CCDC188: variants seen among roughly 807,000 people sequenced by gnomAD.
CCDC188 encodes the protein coiled-coil domain-containing protein 188.
In CCDC188, 37 loss-of-function variants were observed where a neutral mutation model predicts 50.7. The ratio of observed to expected loss-of-function variants is 0.73; its 90% CI spans 0.56 to 0.96. The LOEUF (loss-of-function observed/expected upper bound fraction) is 0.96. CCDC188 is among the 40% of genes least tolerant of loss of function. The pLI, the probability that CCDC188 is intolerant of heterozygous loss-of-function variation, is 0.00. For missense variants in CCDC188, 453 were observed against 512.9 expected, an observed-to-expected ratio of 0.88 and a Z score of 1.13; for synonymous variants, 208 against 228.0, an observed-to-expected ratio of 0.91 and a Z score of 0.79.
Position 20,150,948 on chromosome 22 carries a change from G to A in CCDC188, c.39C>T (p.Pro13=). The part of the protein sequence containing the change: ...GLKTLGPCGH[P]HPQCPPTPAS... ...CTGGGGTTGGGGGACACTGGGGGTGGGGGTGGCCGCAGGGGCCCAGGGTTT... is the reference window on the plus strand; with the variant it reads ...CTGGGGTTGGGGGACACTGGGGGTGAGGGTGGCCGCAGGGGCCCAGGGTTT... Residue 13 remains proline, a synonymous_variant, in exon 1 of 9, where the codon CCC becomes CCT. Coordinates refer to ENST00000439765, the MANE Select transcript of CCDC188 (RefSeq NM_001365892.2). 7.1e-7 allele frequency: 1 copy of A among 1,415,606 alleles called. No individual in the cohort carries two copies. The highest frequency in any genetic ancestry group is 9.3e-7 in the Non-Finnish European group (1 of 1,077,948). The allele number at this position is 1,415,606 out of a possible 1,614,324, so 87.7% of individuals were successfully genotyped here.
chr22:20,149,433 T>C lies in CCDC188; in HGVS notation c.893A>G (p.Asp298Gly). Reference protein sequence around the residue: ...DIRGVLDQMEDIQLEILRERA... With the variant: ...DIRGVLDQMEGIQLEILRERA... ...TTACCTGAGAATCTCCAGCTGGATGTCCTCCATCTGGTCCAGCACGCCCCG... is the reference window on the plus strand; with the variant it reads ...TTACCTGAGAATCTCCAGCTGGATGCCCTCCATCTGGTCCAGCACGCCCCG... The change falls in exon 6 of 9, where the codon GAC becomes GGC. Residue 298 changes from aspartate (D) to glycine (G), a missense_variant. Transcript: ENST00000439765. 1 of 1,550,212 alleles carries C rather than the reference T, an allele frequency of 6.5e-7. No individual in the cohort carries two copies. The highest frequency in any genetic ancestry group is 8.7e-7 in the Non-Finnish European group (1 of 1,146,890).
chr22:20,149,525 G>A lies in CCDC188; in HGVS notation c.850-49C>T, dbSNP rs749365988. 31 of 1,549,774 alleles carry A rather than the reference G, an allele frequency of 2.0e-5. No homozygotes were observed. In the African/African-American group the frequency reaches 2.3e-4, roughly 12 times the overall value. ...CAGCAGGCCCCTCGCCCCGCCCTCCGTGGCCTCTCGCCCGCCGGGCCCCGT... is the reference window on the plus strand; with the variant it reads ...CAGCAGGCCCCTCGCCCCGCCCTCCATGGCCTCTCGCCCGCCGGGCCCCGT... On this transcript the variant is annotated intron_variant, in intron 5 of 8. Coordinates refer to ENST00000439765, the MANE Select transcript of CCDC188 (RefSeq NM_001365892.2).
At chr22:20,148,842 C>A in intron 8 of CCDC188, 33 bp downstream of exon 8, 1 of 1,460,442 alleles carries the variant, frequency 6.8e-7, no homozygotes. Context: ...CGCGGGGGGC[C>A]TGGGGGCTGG....
chr22:20,150,333 TGGTG>T (rs1569000720), intron 1 of CCDC188, 83 bp from the exon 2 acceptor site: 3 of 785,366 alleles, frequency 3.8e-6, no homozygotes, highest in African/African-American at 2.2e-5. Context: ...GGGCGCCAGG[TGGTG>T]GGTGGGGCTG....
intron 1 of CCDC188, 43 bp downstream of exon 1, chr22:20,150,425 G>GTGGGGCGGGGGC (rs1555886567): frequency 1.4e-5 from 18 of 1,321,938 alleles, no homozygotes; most frequent in Non-Finnish European, 1.7e-5. Context: ...CAGGCGGTGG[G>GTGGGGCGGGGGC]TGGGGCTGGG....
rs569164914 is a variant in CCDC188 at position 20,150,762 on chromosome 22, G to A, written c.225C>T (p.Pro75=). 12 of 1,550,172 alleles carry A rather than the reference G, an allele frequency of 7.7e-6. No homozygotes were observed. The highest frequency in any genetic ancestry group is 2.4e-5 in the East Asian group (1 of 40,914). ...GCTCCTGGCTGGACAGAAAGAGCCC[G>A]GGAGCCTCGCCCTCCACTGTGGGCC... ...GSGPTVEGEA[P]GLFLSSQEQR... The change falls in exon 1 of 9, where the codon CCC becomes CCT. Residue 75 remains proline, a synonymous_variant. Coordinates refer to ENST00000439765, the MANE Select transcript of CCDC188 (RefSeq NM_001365892.2).
chr22:20,150,979 C>T lies in CCDC188; in HGVS notation c.8G>A (p.Gly3Glu), dbSNP rs1416621004. Residue 3 changes from glycine to glutamate, a missense_variant, in exon 1 of 9, where the codon GGG (glycine) becomes GAG (glutamate). Transcript: ENST00000439765. ...GCCGCAGGGGCCCAGGGTTTTCAGC[C>T]CCTCCATCCCTCCCTGCAACCCCTT... MEGLKTLGPCGHP... is the reference protein window; with the variant it reads MEELKTLGPCGHP... The T allele has an allele frequency of 1.4e-6, 2 of 1,397,638 alleles. No homozygotes were observed. Among genetic ancestry groups the T allele is most frequent in the Non-Finnish European group, 1.9e-6 (2 of 1,070,712 alleles). The allele number at this position is 1,397,638 out of a possible 1,614,324, so 86.6% of individuals were successfully genotyped here. A position where few individuals can be genotyped will look rare whatever the true frequency, so the allele number is the denominator to read the frequency against.
In CCDC188 at chr22:20,149,736, C is replaced by T. The variant is rs975135791; in HGVS notation, c.777G>A (p.Met259Ile). The change falls in exon 4 of 9, where the codon ATG becomes ATA. Residue 259 changes from methionine (M) to isoleucine (I), a missense_variant. Coordinates refer to ENST00000439765, the MANE Select transcript of CCDC188 (RefSeq NM_001365892.2). ...GCCAGGCGGGCACCTCTGTGATGAC[C>T]ATCTTCTTCCTCTCAAAGCACAGGC... is the stretch of plus-strand genomic sequence containing the variant. ...QIRLCFERKK[M>I]VITEVWDNVA... 4.8e-5 allele frequency: 74 copies of T among 1,530,736 alleles called. No individual in the cohort carries two copies. The highest frequency in any genetic ancestry group is 6.2e-5 in the Non-Finnish European group (70 of 1,135,872). 94.8% of individuals were successfully genotyped at this position (1,530,736 alleles called of 1,614,324 possible). A position where few individuals can be genotyped will look rare whatever the true frequency, so the allele number is the denominator to read the frequency against.
At position 20,150,951 on chromosome 22, in the gene CCDC188, G is replaced by T; in HGVS notation, c.36C>A (p.His12Gln). ...GGGTTGGGGGACACTGGGGGTGGGG[G>T]TGGCCGCAGGGGCCCAGGGTTTTCA... ...EGLKTLGPCGHPHPQCPPTPA... is the reference protein window; with the variant it reads ...EGLKTLGPCGQPHPQCPPTPA... The change falls in exon 1 of 9, where the codon CAC (histidine) becomes CAA (glutamine). Residue 12 changes from histidine (H) to glutamine (Q), a missense_variant. Transcript: ENST00000439765. 2.1e-6 allele frequency: 3 copies of T among 1,412,620 alleles called. No individual in the cohort carries two copies. Among genetic ancestry groups the T allele is most frequent in the South Asian group, 3.2e-5 (2 of 62,226 alleles). 87.5% of individuals were successfully genotyped at this position (1,412,620 alleles called of 1,614,324 possible).
At chr22:20,149,129 G>A in intron 7 of CCDC188, 58 bp downstream of exon 7, 2 of 1,368,804 alleles carry the variant, frequency 1.5e-6, no homozygotes, top group Admixed American at 2.9e-5. Context: ...TCTCGCCCAA[G>A]CAGGGCCCTG....
intron 1 of CCDC188, 102 bp from the exon 2 acceptor site, chr22:20,150,352 T>TGGGGCTGGGGCA (rs2050602447): frequency 1.3e-6 from 1 of 752,658 alleles, no homozygotes; most frequent in South Asian, 1.9e-5. Context: ...GGGCTGGGGC[T>TGGGGCTGGGGCA]GGGGCAGGGG....
At position 20,150,735 on chromosome 22, in the gene CCDC188, C is replaced by G. The variant is rs369878186; in HGVS notation, c.252G>C (p.Gln84His). The G allele has an allele frequency of 6.5e-7, 1 of 1,550,136 alleles. No homozygotes were observed. Among genetic ancestry groups the G allele is most frequent in the Non-Finnish European group, 8.7e-7 (1 of 1,146,842 alleles). ...APGLFLSSQEQRARDTEGPRQ... is the reference protein window; with the variant it reads ...APGLFLSSQEHRARDTEGPRQ... ...TCGGCCCCTCAGTGTCTCTCGCTCTCTGCTCCTGGCTGGACAGAAAGAGCC... is the reference window on the plus strand; with the variant it reads ...TCGGCCCCTCAGTGTCTCTCGCTCTGTGCTCCTGGCTGGACAGAAAGAGCC... Residue 84 changes from glutamine (Q) to histidine (H), a missense_variant, in exon 1 of 9, where the codon CAG becomes CAC. Coordinates refer to ENST00000439765, the MANE Select transcript of CCDC188 (RefSeq NM_001365892.2).
In CCDC188 at chr22:20,150,925, G is replaced by A; in HGVS notation, c.62C>T (p.Pro21Leu). The A allele has an allele frequency of 2.8e-6, 4 of 1,425,088 alleles. No homozygotes were observed. Among genetic ancestry groups the A allele is most frequent in the Non-Finnish European group, 3.7e-6 (4 of 1,081,938 alleles). The allele number at this position is 1,425,088 out of a possible 1,614,324, so 88.3% of individuals were successfully genotyped here. Residue 21 changes from proline (P) to leucine (L), a missense_variant, in exon 1 of 9, where the codon CCA (proline) becomes CTA (leucine). Pro to Leu is a moderately conservative substitution (Grantham distance 98). Transcript: ENST00000439765. ...GCCTCCTCCATGGCTGCTGGAGGCT[G>A]GGGTTGGGGGACACTGGGGGTGGGG... is the stretch of plus-strand genomic sequence containing the variant. ...GHPHPQCPPT[P>L]ASSSHGGGLD...
In CCDC188 at chr22:20,148,881, T is replaced by G; in HGVS notation, c.1016A>C (p.Gln339Pro). The change falls in exon 8 of 9, where the codon CAG becomes CCG. Residue 339 changes from glutamine (Q) to proline (P), a missense_variant. Transcript: ENST00000439765. ...CTGCCGTGCAGTCACCTACCAGAGC[T>G]GGCCTGCCAGGCCCTTGGAGCTTCC... ...KLGSSKGLAG[Q>P]LWLLTLRLLL... The G allele has an allele frequency of 6.6e-7, 1 of 1,511,702 alleles. No homozygotes were observed. Among genetic ancestry groups the G allele is most frequent in the Non-Finnish European group, 8.9e-7 (1 of 1,127,430 alleles). 93.6% of individuals were successfully genotyped at this position (1,511,702 alleles called of 1,614,324 possible).
chr22:20,150,498 G>T lies in CCDC188; in HGVS notation c.489C>A (p.Phe163Leu). The T allele has an allele frequency of 6.5e-7, 1 of 1,547,616 alleles. No individual in the cohort carries two copies. Among genetic ancestry groups the T allele is most frequent in the Non-Finnish European group, 8.7e-7 (1 of 1,146,652 alleles). ...CGLLGSAEQS[F>L]LQLEQENHSL... is the part of the protein sequence containing the mutation. The stretch of plus-strand genomic sequence containing the variant: ...TGTGGTTCTCCTGCTCCAGCTGCAG[G>T]AAGGACTGTTCTGCAGAGCCCAGCA... The change falls in exon 1 of 9, where the codon TTC becomes TTA. Residue 163 changes from phenylalanine (F) to leucine (L), a missense_variant. Phe to Leu is a conservative substitution (Grantham distance 22). Transcript: ENST00000439765.
intron 7 of CCDC188, 21 bp downstream of exon 7, chr22:20,149,166 A>T: frequency 7.6e-6 from 11 of 1,453,886 alleles, no homozygotes; most frequent in Non-Finnish European, 1.0e-5. Context: ...CCAGACCCAG[A>T]GTGGGGCGTG....
rs2050584300 is a variant in CCDC188, at chr22:20,149,644, G to A, written c.790-4C>T. 3.2e-6 allele frequency: 5 copies of A among 1,549,894 alleles called. No homozygotes were observed. The highest frequency in any genetic ancestry group is 4.4e-6 in the Non-Finnish European group (5 of 1,146,762). ...TCTCAGCCACGTTGTCCCACACCTA[G>A]GGGGAGGTGGGGTCACGCCTGAGGA... is the stretch of plus-strand genomic sequence containing the variant. On this transcript the variant is annotated splice_polypyrimidine_tract_variant and splice_region_variant and intron_variant, in intron 4 of 8. Coordinates refer to ENST00000439765, the MANE Select transcript of CCDC188 (RefSeq NM_001365892.2).
At position 20,150,574 on chromosome 22, in the gene CCDC188, C is replaced by T. The variant is rs756048040; in HGVS notation, c.413G>A (p.Gly138Glu). The T allele has an allele frequency of 6.5e-7, 1 of 1,547,124 alleles. No homozygotes were observed. Among genetic ancestry groups the T allele is most frequent in the African/African-American group, 1.4e-5 (1 of 72,940 alleles). ...TACCCTGGGCGAGGCCAGGGCCCCT[C>T]CCTCCCGTGACAGGGGTGGGCATGG... is the stretch of plus-strand genomic sequence containing the variant. ...PCPCPPLSRE[G>E]GALASPRVAL... The change falls in exon 1 of 9, where the codon GGA (glycine) becomes GAA (glutamate). Residue 138 changes from glycine (G) to glutamate (E), a missense_variant. By Grantham distance (98) the Gly-to-Glu change is moderately conservative. Coordinates refer to ENST00000439765, the MANE Select transcript of CCDC188 (RefSeq NM_001365892.2).
At chr22:20,149,697 A>G in intron 4 of CCDC188, 27 bp downstream of exon 4, 1 of 1,539,846 alleles carries the variant, frequency 6.5e-7, no homozygotes, top group Non-Finnish European at 8.8e-7. Context: ...GGCCCCCAGC[A>G]CCCCTCCCCC....
Sources: gnomAD v4.1 joint callset for allele counts on GRCh38, gnomAD v4.1.1 for gene constraint, MANE v1.5 for transcripts, NCBI Gene and HGNC (gene_info 2026-07-23, HGNC 2026-07-21) for gene names.